Variants in SH3GL3 observed in about 807,000 individuals in gnomAD.
SH3GL3 encodes the protein endophilin-A3.
Under a neutral mutation model 47.7 loss-of-function variants are expected in SH3GL3, and 33 were observed. That is an observed-to-expected ratio of 0.69 (90% CI 0.52 to 0.92). The LOEUF is 0.92. Among genes scored for constraint, SH3GL3 ranks in the 40% least tolerant of loss-of-function variants. The pLI is 0.00. For missense variants in SH3GL3, 363 were observed against 417.8 expected (o/e 0.87, Z 1.14); for synonymous variants, 155 against 148.8 (o/e 1.04, Z -0.30).
intron 8 of SH3GL3, among the ~76,000 whole-genome samples, chr15:83,599,854 A>AT (rs1253695789): frequency 3.3e-5 from 5 of 151,552 alleles, no homozygotes; most frequent in South Asian, 4.2e-4. Context: ...GCCAACATCT[A>AT]TTTTTTTTAA....
Position 83,564,278 on chromosome 15 carries a change from T to G in SH3GL3, c.115-856T>G, listed in dbSNP as rs191207688. Among the ~76,000 whole-genome samples the G allele has an allele frequency of 2.5e-3, 383 of 152,300 alleles. 1 individual carries two copies. Among genetic ancestry groups the G allele is most frequent in the African/African-American group, 6.5e-3 (271 of 41,578 alleles). ...AATTGAAATTATGATGGGATTTGAATGAATTTTGCATGTTAATTTGGGAAG... is the reference window on the plus strand; with the variant it reads ...AATTGAAATTATGATGGGATTTGAAGGAATTTTGCATGTTAATTTGGGAAG... On this transcript the variant is annotated intron_variant, in intron 2 of 8. Coordinates refer to ENST00000427482, the MANE Select transcript of SH3GL3 (RefSeq NM_003027.5).
chr15:83,632,026 TC>T, the SH3GL3 span, among the ~76,000 whole-genome samples: 1 of 152,184 alleles, frequency 6.6e-6, no homozygotes, highest in Non-Finnish European at 1.5e-5. Context: ...ATCATCTCTC[TC>T]AAGTTCAAAG....
chr15:83,535,385 A>G (rs2043859793), intron 1 of SH3GL3, among the ~76,000 whole-genome samples: 1 of 152,208 alleles, frequency 6.6e-6, no homozygotes, highest in South Asian at 2.1e-4. Flanking sequence ...CTCAGAACCC[A>G]TTCAGTCATT....
At chr15:83,609,770 G>A (rs2060616258) in intron 8 of SH3GL3, among the ~76,000 whole-genome samples, 1 of 151,964 alleles carries the variant, frequency 6.6e-6, no homozygotes, top group South Asian at 2.1e-4. Flanking sequence ...TTGCGCCACT[G>A]ACCACTCTTT....
At chr15:83,459,367 G>A (rs990873285) in intron 1 of SH3GL3, among the ~76,000 whole-genome samples, 2 of 152,160 alleles carry the variant, frequency 1.3e-5, no homozygotes, top group African/African-American at 2.4e-5. Flanking sequence ...GACACTCAAC[G>A]TTAGCCATCA....
chr15:83,516,422 A>G (rs989568770), intron 1 of SH3GL3, among the ~76,000 whole-genome samples: 1 of 152,162 alleles, frequency 6.6e-6, no homozygotes, highest in Admixed American at 6.6e-5. Flanking sequence ...GTATTAGGCC[A>G]TTCTTGCATT....
chr15:83,521,584 A>AC lies in SH3GL3; in HGVS notation c.46-37668dup, dbSNP rs565072686. ...CCTTTCTTCCCAGCTCCTTCTTTCCACTGTCACAACATAACCAGAAGCCAG... is the reference window on the plus strand; with the variant it reads ...CCTTTCTTCCCAGCTCCTTCTTTCCACCTGTCACAACATAACCAGAAGCCAG... On this transcript the variant is annotated intron_variant, in intron 1 of 8. Transcript: ENST00000427482. 1.6e-3 allele frequency among the ~76,000 whole-genome samples: 249 copies of AC among 152,292 alleles called. 1 individual carries two copies. In the Middle Eastern group the frequency reaches 0.017, roughly 10 times the overall value.
chr15:83,512,066 C>A (rs778835013), intron 1 of SH3GL3, among the ~76,000 whole-genome samples: 1 of 139,460 alleles, frequency 7.2e-6, no homozygotes, highest in Non-Finnish European at 1.6e-5. Context: ...ACCTAGCTCA[C>A]CTCAGAAGGT....
chr15:83,516,885 G>A (rs564433829), intron 1 of SH3GL3, among the ~76,000 whole-genome samples: 1 of 151,760 alleles, frequency 6.6e-6, no homozygotes. Context: ...TATCTTTTGT[G>A]TTTGACTCTT....
intron 8 of SH3GL3, among the ~76,000 whole-genome samples, chr15:83,593,885 C>T (rs954767353): frequency 3.9e-5 from 6 of 151,960 alleles, no homozygotes; most frequent in Admixed American, 2.0e-4. Flanking sequence ...GTGGCGCAGT[C>T]GCAGCTTGTT....
At chr15:83,630,146 G>A in the SH3GL3 span, among the ~76,000 whole-genome samples, 6 of 152,278 alleles carry the variant, frequency 3.9e-5, no homozygotes, top group African/African-American at 7.2e-5. Flanking sequence ...TTTGCGTTCC[G>A]CCGTGATTGT....
At chr15:83,631,539 G>T in the SH3GL3 span, among the ~76,000 whole-genome samples, 1 of 152,186 alleles carries the variant, frequency 6.6e-6, no homozygotes, top group Admixed American at 6.5e-5. Flanking sequence ...CTCAACTCTT[G>T]ACTTCTGTGC....
Position 83,447,497 on chromosome 15 carries a change from C to T in SH3GL3, c.-37C>T. 1 of 1,485,406 alleles carries T rather than the reference C, an allele frequency of 6.7e-7. No individual in the cohort carries two copies. The highest frequency in any genetic ancestry group is 9.0e-7 in the Non-Finnish European group (1 of 1,114,752). 92.0% of individuals were successfully genotyped at this position (1,485,406 alleles called of 1,614,324 possible). On this transcript the variant is annotated 5_prime_UTR_variant, in exon 1 of 9. Coordinates refer to ENST00000427482, the MANE Select transcript of SH3GL3 (RefSeq NM_003027.5). The surrounding 1 kb of genome is among the most constrained non-coding windows in gnomAD (Gnocchi z 5.1). ...GTCGCGGCCGCGTGGCCCAGCCGAG[C>T]CTTGAGACCACCCCGCCCCTGCCGG... is the stretch of plus-strand genomic sequence containing the variant.
intron 8 of SH3GL3, among the ~76,000 whole-genome samples, chr15:83,606,593 C>T (rs1455892065): frequency 6.6e-6 from 1 of 152,174 alleles, no homozygotes; most frequent in Non-Finnish European, 1.5e-5. Flanking sequence ...CACTAATAGC[C>T]TTCCCCCCAG....
At chr15:83,584,624 A>G (rs2059912624) in intron 6 of SH3GL3, among the ~76,000 whole-genome samples, 1 of 152,156 alleles carries the variant, frequency 6.6e-6, no homozygotes, top group Non-Finnish European at 1.5e-5. Flanking sequence ...CACTTCAAAC[A>G]TCAGCTGAGT....
At chr15:83,599,313 A>C (rs1249615770) in intron 8 of SH3GL3, among the ~76,000 whole-genome samples, 3 of 152,170 alleles carry the variant, frequency 2.0e-5, no homozygotes, top group Non-Finnish European at 4.4e-5. Flanking sequence ...AGCAGTGTAC[A>C]CTGAACCCAA....
At chr15:83,580,157 G>A (rs1025483030) in intron 6 of SH3GL3, among the ~76,000 whole-genome samples, 3 of 152,162 alleles carry the variant, frequency 2.0e-5, no homozygotes, top group African/African-American at 4.8e-5. Context: ...CAACCCGCAC[G>A]TCCAACCTTG....
At chr15:83,551,534 G>A (rs553712780) in intron 1 of SH3GL3, among the ~76,000 whole-genome samples, 5 of 152,204 alleles carry the variant, frequency 3.3e-5, no homozygotes, top group African/African-American at 1.2e-4. Context: ...CCCTGTCATC[G>A]CCTAACCGAT....
chr15:83,605,893 T>A (rs754844679), intron 8 of SH3GL3, among the ~76,000 whole-genome samples: 11 of 152,198 alleles, frequency 7.2e-5, no homozygotes, highest in Non-Finnish European at 1.5e-4. Context: ...AAACCACTGA[T>A]GTTGAAGAAA....
Sources: allele counts gnomAD v4.1 joint callset (sites outside exome capture counted in the v4.1 genomes callset), GRCh38; gene constraint gnomAD v4.1.1; non-coding constraint Gnocchi (gnomAD v3.1); transcripts MANE v1.5; gene names NCBI Gene and HGNC (gene_info 2026-07-23, HGNC 2026-07-21).